The following WWOX variants were observed in gnomAD, a reference collection of about 807,000 sequenced individuals.
WWOX encodes WW domain containing oxidoreductase, also known as WW domain-containing oxidoreductase.
In WWOX, 69 loss-of-function variants were observed where a neutral mutation model predicts 46.2. The observed-to-expected ratio is 1.49, with a 90% CI of 1.23 to 1.82. WWOX has a LOEUF of 1.82. Ranked by LOEUF, WWOX falls within the 40% of genes most tolerant of loss-of-function variation. WWOX has a pLI of 0.00. For missense variants in WWOX, 919 were observed against 542.6 expected, an observed-to-expected ratio of 1.69 and a Z score of -6.89; for synonymous variants, 359 against 202.6, an observed-to-expected ratio of 1.77 and a Z score of -6.56.
intron 8 of WWOX, among the ~76,000 whole-genome samples, chr16:78,831,504 C>T (rs542564542): frequency 6.6e-6 from 1 of 152,160 alleles, no homozygotes; most frequent in Non-Finnish European, 1.5e-5. Context: ...CACTGGTACC[C>T]TACGTGGGAG....
chr16:78,480,289 A>G (rs2084455761), intron 8 of WWOX, among the ~76,000 whole-genome samples: 1 of 152,362 alleles, frequency 6.6e-6, no homozygotes, highest in South Asian at 2.1e-4. Context: ...TCTTTTGGAT[A>G]CATCTGCTTT....
chr16:79,086,682 A>G (rs2048859714), intron 8 of WWOX, among the ~76,000 whole-genome samples: 1 of 152,120 alleles, frequency 6.6e-6, no homozygotes, highest in Non-Finnish European at 1.5e-5. Context: ...GGAGTTTGAG[A>G]CCTGCTTGGG....
At chr16:78,456,825 A>G (rs1212569447) in intron 8 of WWOX, among the ~76,000 whole-genome samples, 1 of 152,242 alleles carries the variant, frequency 6.6e-6, no homozygotes, top group African/African-American at 2.4e-5. Flanking sequence ...ACATTAACAA[A>G]CCATGTTAAC....
intron 8 of WWOX, among the ~76,000 whole-genome samples, chr16:78,832,289 A>T (rs148795122): frequency 6.6e-6 from 1 of 152,132 alleles, no homozygotes; most frequent in Non-Finnish European, 1.5e-5. Context: ...CAGCCTCACA[A>T]TATGTCATCT....
At position 78,376,548 on chromosome 16, in the gene WWOX, C is replaced by T. The variant is rs140065266; in HGVS notation, c.517-10312C>T. On this transcript the variant is annotated intron_variant, in intron 5 of 8. Transcript: ENST00000566780. The stretch of plus-strand genomic sequence containing the variant: ...ACAGTAAGTATAAATAGCTGATGAC[C>T]ACTTGGGGTGAACCGAAGTGCCTAT... 2.2e-4 allele frequency among the ~76,000 whole-genome samples: 34 copies of T among 152,198 alleles called. No homozygotes were observed. The East Asian group carries it at 5.8e-3, about 26-fold the overall frequency.
intron 8 of WWOX, among the ~76,000 whole-genome samples, chr16:78,902,566 T>C (rs2044856719): frequency 6.6e-6 from 1 of 152,226 alleles, no homozygotes; most frequent in East Asian, 1.9e-4. Flanking sequence ...AGGCCAAAGA[T>C]ATGCCCGAGT....
At chr16:78,575,288 G>C (rs900639889) in intron 8 of WWOX, among the ~76,000 whole-genome samples, 1 of 149,818 alleles carries the variant, frequency 6.7e-6, no homozygotes, top group South Asian at 2.1e-4. Flanking sequence ...AAGTTGTTAA[G>C]ACTATCTAAG....
At chr16:78,785,942 T>G (rs1393728008) in intron 8 of WWOX, among the ~76,000 whole-genome samples, 1 of 152,242 alleles carries the variant, frequency 6.6e-6, no homozygotes, top group East Asian at 1.9e-4. Flanking sequence ...AGTCTCATTC[T>G]GTCGCCCAGG....
rs920581103 is a variant in WWOX at position 78,340,343 on chromosome 16, C to T, written c.517-46517C>T. On this transcript the variant is annotated intron_variant, in intron 5 of 8. Transcript: ENST00000566780. Reference sequence around the variant, plus strand: ...TCCCAAGTCGCTGGGACTACATGTGCGTGTCACCAAGCCGAACTAATTTAT... The same window carrying T: ...TCCCAAGTCGCTGGGACTACATGTGTGTGTCACCAAGCCGAACTAATTTAT... Among the ~76,000 whole-genome samples the T allele has an allele frequency of 2.0e-4, 23 of 117,344 alleles. 6 individuals carry two copies. The highest frequency in any genetic ancestry group is 3.9e-4 in the East Asian group (2 of 5,152). The allele number at this position is 117,344 out of a possible 152,430, so 77.0% of individuals were successfully genotyped here.
intron 6 of WWOX, among the ~76,000 whole-genome samples, chr16:78,417,678 C>T (rs1174429410): frequency 1.3e-5 from 2 of 152,142 alleles, no homozygotes; most frequent in Non-Finnish European, 1.5e-5. Flanking sequence ...TGAATTATCC[C>T]TGCTACAAAT....
At chr16:79,093,497 T>G (rs1343685763) in intron 8 of WWOX, among the ~76,000 whole-genome samples, 3 of 152,188 alleles carry the variant, frequency 2.0e-5, no homozygotes, top group Non-Finnish European at 4.4e-5. Flanking sequence ...TGATGATTTT[T>G]TTTTCTTTTA....
chr16:78,367,006 G>C (rs1432216125), intron 5 of WWOX, among the ~76,000 whole-genome samples: 2 of 114,328 alleles, frequency 1.7e-5, no homozygotes, highest in Non-Finnish European at 1.6e-5. Flanking sequence ...TTAAGACGTA[G>C]TCTTGCTCTG....
chr16:78,979,636 T>G (rs1248868315), intron 8 of WWOX, among the ~76,000 whole-genome samples: 5 of 152,144 alleles, frequency 3.3e-5, no homozygotes, highest in Non-Finnish European at 4.4e-5. Flanking sequence ...GAAAGGATCT[T>G]GTTACTCAGA....
intron 8 of WWOX, among the ~76,000 whole-genome samples, chr16:79,088,463 T>C (rs1277980682): frequency 6.6e-6 from 1 of 152,118 alleles, no homozygotes; most frequent in African/African-American, 2.4e-5. Flanking sequence ...CACAGGTGAA[T>C]GGTGCAAGGG....
At chr16:78,330,232 A>G (rs1460325237) in intron 5 of WWOX, among the ~76,000 whole-genome samples, 1 of 152,198 alleles carries the variant, frequency 6.6e-6, no homozygotes, top group Non-Finnish European at 1.5e-5. Context: ...CAATAACTAT[A>G]AATATCCTTA....
intron 4 of WWOX, among the ~76,000 whole-genome samples, chr16:78,153,265 C>T (rs1350349625): frequency 6.6e-6 from 1 of 152,178 alleles, no homozygotes; most frequent in Admixed American, 6.5e-5. Flanking sequence ...CTTAGAACTT[C>T]ATCTGGAAAT....
At chr16:78,518,138 T>C (rs1030729916) in intron 8 of WWOX, among the ~76,000 whole-genome samples, 1 of 152,188 alleles carries the variant, frequency 6.6e-6, no homozygotes, top group Admixed American at 6.5e-5. Flanking sequence ...ACATGAAATA[T>C]GTACCTACAG....
At chr16:78,616,353 C>T (rs151311568) in intron 8 of WWOX, among the ~76,000 whole-genome samples, 3 of 152,064 alleles carry the variant, frequency 2.0e-5, no homozygotes, top group African/African-American at 4.8e-5. Context: ...CTGAGAAGTC[C>T]AAGAGGAAGG....
chr16:78,631,987 A>G (rs1411234597), intron 8 of WWOX, among the ~76,000 whole-genome samples: 2 of 151,910 alleles, frequency 1.3e-5, no homozygotes, highest in African/African-American at 4.9e-5. Context: ...ACTCGGAAAA[A>G]TAAAACAAAG....
Sources: allele counts gnomAD v4.1 joint callset (sites outside exome capture counted in the v4.1 genomes callset), GRCh38; gene constraint gnomAD v4.1.1; transcripts MANE v1.5; gene names NCBI Gene and HGNC (gene_info 2026-07-23, HGNC 2026-07-21).